The following PIK3C2B variants were observed in gnomAD, a reference collection of about 807,000 sequenced individuals.
PIK3C2B encodes phosphatidylinositol 4-phosphate 3-kinase C2 domain-containing subunit beta.
Under a neutral mutation model 184.3 loss-of-function variants are expected in PIK3C2B, and 83 were observed. The observed-to-expected ratio is 0.45, with a 90% CI of 0.38 to 0.54. The LOEUF (loss-of-function observed/expected upper bound fraction) is 0.54. Ranked by LOEUF, PIK3C2B falls within the 20% of genes least tolerant of loss-of-function variation. The probability of loss-of-function intolerance (pLI) is 0.00; values close to 1 mark genes in which losing one functional copy is unlikely to be tolerated. For synonymous variants in PIK3C2B, 779 were observed against 837.6 expected (o/e 0.93, Z 1.21); for missense variants, 1,736 against 2,113.5 (o/e 0.82, Z 3.50).
chr1:204,451,910 G>A (rs896423158), intron 12 of PIK3C2B, among the ~76,000 whole-genome samples: 48 of 152,274 alleles, frequency 3.2e-4, no homozygotes, highest in Non-Finnish European at 6.0e-4. Flanking sequence ...AAACAATCCT[G>A]TAGGGTAGGC....
intron 31 of PIK3C2B, among the ~76,000 whole-genome samples, chr1:204,426,030 T>C (rs1674722343): frequency 6.6e-6 from 1 of 152,248 alleles, no homozygotes; most frequent in African/African-American, 2.4e-5. Context: ...GAGTGAACCA[T>C]CATGTTCCCA....
intron 3 of PIK3C2B, among the ~76,000 whole-genome samples, 197 bp downstream of exon 3, chr1:204,465,022 A>G (rs2103509942): frequency 6.6e-6 from 1 of 152,296 alleles, no homozygotes; most frequent in South Asian, 2.1e-4. Context: ...AGGTTTCATG[A>G]ATTTTGCTAA....
In PIK3C2B at chr1:204,432,286, G is replaced by A. The variant is rs749135149; in HGVS notation, c.4069C>T (p.Arg1357Ter). 7 of 1,614,036 alleles carry A rather than the reference G, an allele frequency of 4.3e-6. No homozygotes were observed. In the East Asian group the frequency reaches 6.7e-5, roughly 15 times the overall value. ...CCAGAGCTCTTGAGAGTGTGTGTTC[G>A]GGAGGCAAAGGAGAGGGTCAGCCGG... ...DDRLTLSFASRTHTLKSSGRI... is the reference protein window; with the variant it reads ...DDRLTLSFAS Residue 1357 changes from arginine (R) to a stop codon, truncating the protein, a stop_gained, in exon 27 of 33, where the codon CGA becomes TGA. Coordinates refer to ENST00000684373, the MANE Select transcript of PIK3C2B (RefSeq NM_001377334.1). LOFTEE classifies it high-confidence loss of function.
chr1:204,441,608 C>A, intron 20 of PIK3C2B, 45 bp from the exon 21 acceptor site: 1 of 1,405,452 alleles, frequency 7.1e-7, no homozygotes, highest in Non-Finnish European at 1.0e-6. Flanking sequence ...GTGGCCCATG[C>A]CAGGAAAGGA....
chr1:204,432,170 A>C, intron 27 of PIK3C2B, 30 bp downstream of exon 27: 1 of 1,595,470 alleles, frequency 6.3e-7, no homozygotes. Context: ...AGAGAGCAGG[A>C]AAGGGGGTCA....
At chr1:204,441,723 T>C (rs191356717) in intron 20 of PIK3C2B, among the ~76,000 whole-genome samples, 160 bp from the exon 21 acceptor site, 1 of 152,278 alleles carries the variant, frequency 6.6e-6, no homozygotes, top group African/African-American at 2.4e-5. Context: ...CCCAATTTCC[T>C]TCCTTCTCTT....
At chr1:204,456,971 G>C in intron 10 of PIK3C2B, 66 bp downstream of exon 10, 2 of 1,372,216 alleles carry the variant, frequency 1.5e-6, no homozygotes, top group Non-Finnish European at 2.0e-6. Context: ...GCAGAAAAAG[G>C]AATCGGGGCA....
Position 204,424,073 on chromosome 1 carries a change from T to C in PIK3C2B, c.*779A>G, listed in dbSNP as rs1234153879. On this transcript the variant is annotated 3_prime_UTR_variant, in exon 33 of 33. Coordinates refer to ENST00000684373, the MANE Select transcript of PIK3C2B (RefSeq NM_001377334.1). The stretch of plus-strand genomic sequence containing the variant: ...AAAGTAGGGAAGACAAGAGGAAAAG[T>C]CCCCCCAAAAGAGCATGGGTCCCTG... 2.0e-5 allele frequency: 3 copies of C among 152,366 alleles called. No individual in the cohort carries two copies. Among genetic ancestry groups the C allele is most frequent in the Non-Finnish European group, 2.9e-5 (2 of 68,126 alleles). The allele number at this position is 152,366 out of a possible 1,614,324, so 9.4% of individuals were successfully genotyped here. A position where few individuals can be genotyped will look rare whatever the true frequency, so the allele number is the denominator to read the frequency against.
Position 204,425,839 on chromosome 1 carries a change from CCATCTGG to C in PIK3C2B, c.4588-105_4588-99del, listed in dbSNP as rs1674713747. The C allele has an allele frequency of 1.7e-5, 20 of 1,143,292 alleles. No homozygotes were observed. The South Asian group carries it at 2.6e-4, about 15-fold the overall frequency. 70.8% of individuals were successfully genotyped at this position (1,143,292 alleles called of 1,614,324 possible). A position where few individuals can be genotyped will look rare whatever the true frequency, so the allele number is the denominator to read the frequency against. On this transcript the variant is annotated intron_variant, in intron 31 of 32. Coordinates refer to ENST00000684373, the MANE Select transcript of PIK3C2B (RefSeq NM_001377334.1). The stretch of plus-strand genomic sequence containing the variant: ...ACACTCTGATCCAGACTCTCATCTG[CCATCTGG>C]CATCTTGCAATGCACAACTAATTTA...
intron 26 of PIK3C2B, among the ~76,000 whole-genome samples, chr1:204,432,800 G>A (rs528850118): frequency 6.6e-6 from 1 of 152,298 alleles, no homozygotes; most frequent in East Asian, 1.9e-4. Flanking sequence ...ACCTAACAGA[G>A]AAAGTTTAAT....
At chr1:204,450,198 C>G (rs893529364) in intron 12 of PIK3C2B, 181 bp from the exon 13 acceptor site, 2 of 558,770 alleles carry the variant, frequency 3.6e-6, no homozygotes, top group African/African-American at 1.9e-5. Context: ...TAGGCAAAAC[C>G]CCCACTGGAT....
chr1:204,452,672 T>A (rs1177788989), intron 12 of PIK3C2B, among the ~76,000 whole-genome samples: 7 of 136,558 alleles, frequency 5.1e-5, no homozygotes, highest in African/African-American at 1.6e-4. Context: ...TTTTTTTTTT[T>A]AAGATAGGGT....
chr1:204,476,028 C>G (rs756792138), intron 1 of PIK3C2B, among the ~76,000 whole-genome samples: 2 of 152,124 alleles, frequency 1.3e-5, no homozygotes, highest in African/African-American at 4.8e-5. Flanking sequence ...AGAAGGCCAC[C>G]CCCAAGGTGA....
rs2103461592 is a variant in PIK3C2B, at chr1:204,425,745, C to T, written c.4588-4G>A. On this transcript the variant is annotated splice_polypyrimidine_tract_variant and splice_region_variant and intron_variant, in intron 31 of 32. Transcript: ENST00000684373. ...CATTTCCATCCTGGAGCAGTTGCTA[C>T]AATAGAATGAGAACCAAAAAAATGT... 1.2e-6 allele frequency: 2 copies of T among 1,610,558 alleles called. No individual in the cohort carries two copies. The highest frequency in any genetic ancestry group is 1.1e-5 in the South Asian group (1 of 90,942).
chr1:204,464,291 A>G lies in PIK3C2B; in HGVS notation c.1189+159T>C, dbSNP rs1421152240. Among the ~76,000 whole-genome samples, 3 of 152,156 alleles carry G rather than the reference A, an allele frequency of 2.0e-5. No individual in the cohort carries two copies. In the East Asian group the frequency reaches 5.8e-4, roughly 29 times the overall value. ...GTTCAGAGTTGAGGAAAGTGACTGT[A>G]CTAGAATGCTGGCCCCATAGCCAGC... On this transcript the variant is annotated intron_variant, in intron 4 of 32. Transcript: ENST00000684373.
chr1:204,454,868 C>T, intron 11 of PIK3C2B, 77 bp from the exon 12 acceptor site: 1 of 1,492,316 alleles, frequency 6.7e-7, no homozygotes, highest in Non-Finnish European at 9.0e-7. Flanking sequence ...CCTCTAAGGC[C>T]AAAATCCATT....
At chr1:204,453,455 T>C (rs1654545286) in intron 12 of PIK3C2B, among the ~76,000 whole-genome samples, 2 of 152,228 alleles carry the variant, frequency 1.3e-5, no homozygotes. Flanking sequence ...CTATCTCATC[T>C]CGACGCCATA....
At position 204,444,123 on chromosome 1, in the gene PIK3C2B, G is replaced by A. The variant is rs202206146; in HGVS notation, c.2812C>T (p.Arg938Cys). The change falls in exon 18 of 33, where the codon CGC becomes TGC. Residue 938 changes from arginine (R) to cysteine (C), a missense_variant. Coordinates refer to ENST00000684373, the MANE Select transcript of PIK3C2B (RefSeq NM_001377334.1). ...GACACAGCTCGTTTCAGGAGGAAGC[G>A]CACCAACGGGCTGTCCAGGTAGCAT... ...YECYLDSPLV[R>C]FLLKRAVSDL... 237 of 1,613,584 alleles carry A rather than the reference G, an allele frequency of 1.5e-4. No individual in the cohort carries two copies. Among genetic ancestry groups the A allele is most frequent in the Non-Finnish European group, 1.8e-4 (209 of 1,179,442 alleles).
Position 204,433,552 on chromosome 1 carries a change from G to A in PIK3C2B, c.3844-127C>T. On this transcript the variant is annotated intron_variant, in intron 25 of 32. Transcript: ENST00000684373. This position sits in a 1 kb window ranked among gnomAD's most constrained non-coding sequence, Gnocchi z 5.0. ...CCCTTCTAGAGGGTGGTAGACAGAT[G>A]CTGTGGGCAGTGGCTGGAGGGCCAC... 1 of 724,726 alleles carries A rather than the reference G, an allele frequency of 1.4e-6. No homozygotes were observed. The highest frequency in any genetic ancestry group is 2.3e-6 in the Non-Finnish European group (1 of 426,054). The allele number at this position is 724,726 out of a possible 1,614,324, so 44.9% of individuals were successfully genotyped here.
Sources: gnomAD v4.1 joint callset for allele counts (sites outside exome capture counted in the v4.1 genomes callset) on GRCh38, gnomAD v4.1.1 for gene constraint, Gnocchi (gnomAD v3.1) non-coding constraint, MANE v1.5 for transcripts, NCBI Gene and HGNC (gene_info 2026-07-23, HGNC 2026-07-21) for gene names.